PPP2R3A: variants seen among roughly 807,000 people sequenced by gnomAD.
PPP2R3A encodes the protein protein phosphatase 2 regulatory subunit B''alpha, also known as serine/threonine-protein phosphatase 2A regulatory subunit B'' subunit alpha.
PPP2R3A carries 80 observed loss-of-function variants against 106.9 expected under a neutral mutation model. That is an observed-to-expected ratio of 0.75 (90% CI 0.62 to 0.90). The LOEUF (loss-of-function observed/expected upper bound fraction) is 0.90. Ranked by LOEUF, PPP2R3A falls within the 40% of genes least tolerant of loss-of-function variation. PPP2R3A has a pLI of 0.00. For synonymous variants in PPP2R3A, 483 were observed against 468.3 expected (o/e 1.03, Z -0.41); for missense variants, 1,386 against 1,350.4 (o/e 1.03, Z -0.41).
Position 136,002,264 on chromosome 3 carries a change from A to T in PPP2R3A, c.766A>T (p.Lys256Ter). 1 of 1,613,920 alleles carries T rather than the reference A, an allele frequency of 6.2e-7. No individual in the cohort carries two copies. The highest frequency in any genetic ancestry group is 8.5e-7 in the Non-Finnish European group (1 of 1,179,932). ...CTDIIKQCIK[K>*]KSGSSISEGS... is the part of the protein sequence containing the mutation. Reference sequence around the variant, plus strand: ...AGACATCATAAAACAATGCATAAAGAAAAAATCAGGGAGTAGCATCAGTGA... The same window carrying T: ...AGACATCATAAAACAATGCATAAAGTAAAAATCAGGGAGTAGCATCAGTGA... Residue 256 changes from lysine (K) to a stop codon, truncating the protein, a stop_gained, in exon 2 of 14, where the codon AAA becomes TAA. Transcript: ENST00000264977. LOFTEE classifies it high-confidence loss of function.
intron 13 of PPP2R3A, among the ~76,000 whole-genome samples, chr3:136,107,765 C>T (rs764740523): frequency 1.3e-5 from 2 of 152,138 alleles, no homozygotes; most frequent in Non-Finnish European, 2.9e-5. Flanking sequence ...TAAAATCATT[C>T]ATCGTGCACT....
intron 13 of PPP2R3A, among the ~76,000 whole-genome samples, chr3:136,139,592 C>G (rs796093498): frequency 1.1e-4 from 16 of 151,266 alleles, no homozygotes; most frequent in African/African-American, 3.2e-4. Context: ...ACTCACGTGG[C>G]TGAGGCAGGA....
intron 1 of PPP2R3A, among the ~76,000 whole-genome samples, chr3:135,979,753 A>G (rs1007221288): frequency 4.6e-5 from 7 of 151,884 alleles, no homozygotes; most frequent in Non-Finnish European, 1.0e-4. Context: ...TCCATTACAT[A>G]TGATAAGGGT....
chr3:136,014,106 C>G (rs1213061326), intron 2 of PPP2R3A, among the ~76,000 whole-genome samples: 1 of 152,232 alleles, frequency 6.6e-6, no homozygotes, highest in African/African-American at 2.4e-5. Context: ...TGTCCTTTCC[C>G]CACTTTATGT....
intron 13 of PPP2R3A, among the ~76,000 whole-genome samples, chr3:136,144,580 G>C (rs1056267151): frequency 6.6e-6 from 1 of 151,902 alleles, no homozygotes; most frequent in African/African-American, 2.4e-5. Flanking sequence ...AGAATCGCCT[G>C]AACCTGGGAG....
intron 10 of PPP2R3A, among the ~76,000 whole-genome samples, chr3:136,094,993 C>T (rs1937183309): frequency 6.6e-6 from 1 of 152,226 alleles, no homozygotes; most frequent in South Asian, 2.1e-4. Flanking sequence ...GTTCCTCAAA[C>T]TTTCAGGTCC....
rs1933615126 is a variant in PPP2R3A at position 136,001,395 on chromosome 3, A to T, written c.-104A>T. The T allele has an allele frequency of 1.0e-6, 1 of 1,004,868 alleles. No individual in the cohort carries two copies. 62.2% of individuals were successfully genotyped at this position (1,004,868 alleles called of 1,614,324 possible). A position where few individuals can be genotyped will look rare whatever the true frequency, so the allele number is the denominator to read the frequency against. On this transcript the variant is annotated 5_prime_UTR_variant, in exon 2 of 14. An upstream open reading frame in the 5' UTR loses its in-frame stop. Transcript: ENST00000264977. ...CCATTATATTTGGAAGAAACCACTG[A>T]ACATTGTTATTAAATATATTTTCAG... is the stretch of plus-strand genomic sequence containing the variant.
intron 1 of PPP2R3A, among the ~76,000 whole-genome samples, chr3:135,974,500 C>T (rs773430930): frequency 2.0e-4 from 30 of 152,200 alleles, no homozygotes; most frequent in Non-Finnish European, 3.1e-4. Context: ...ATAATCTGAA[C>T]TCCTCTTTGT....
intron 2 of PPP2R3A, among the ~76,000 whole-genome samples, chr3:136,024,204 C>A (rs1934568621): frequency 6.6e-6 from 1 of 152,190 alleles, no homozygotes; most frequent in South Asian, 2.1e-4. Context: ...ACCACTGTAT[C>A]CAAAGTGAGC....
chr3:136,003,440 G>A lies in PPP2R3A; in HGVS notation c.1942G>A (p.Ala648Thr), dbSNP rs768832337. 8 of 1,613,648 alleles carry A rather than the reference G, an allele frequency of 5.0e-6. No individual in the cohort carries two copies. The East Asian group carries it at 1.6e-4, about 31-fold the overall frequency. ...CTGTAGAAGTCCTGTTGGTGATAAA[G>A]CCAAAGATACTACTTCAGCAGTTTT... is the stretch of plus-strand genomic sequence containing the variant. ...SVCRSPVGDKAKDTTSAVLIQ... is the reference protein window; with the variant it reads ...SVCRSPVGDKTKDTTSAVLIQ... Residue 648 changes from alanine to threonine, a missense_variant, in exon 2 of 14, where the codon GCC becomes ACC. Physicochemically the swap from Ala to Thr is moderately conservative, Grantham distance 58 (BLOSUM62 0). Coordinates refer to ENST00000264977, the MANE Select transcript of PPP2R3A (RefSeq NM_002718.5).
At chr3:136,114,807 A>G (rs1307957527) in intron 13 of PPP2R3A, among the ~76,000 whole-genome samples, 1 of 152,194 alleles carries the variant, frequency 6.6e-6, no homozygotes, top group Non-Finnish European at 1.5e-5. Flanking sequence ...TGAAACTCCC[A>G]TTTCCCTGGG....
rs1360708737 is a variant in PPP2R3A, at chr3:136,003,260, C to T, written c.1762C>T (p.Arg588Ter). 5.6e-6 allele frequency: 9 copies of T among 1,613,604 alleles called. No homozygotes were observed. The highest frequency in any genetic ancestry group is 1.1e-5 in the South Asian group (1 of 91,038). Residue 588 changes from arginine to a stop codon, truncating the protein, a stop_gained, in exon 2 of 14, where the codon CGA becomes TGA. Transcript: ENST00000264977. LOFTEE classifies it high-confidence loss of function. ...TNGHKIEEEDRALLLRILESI... is the reference protein window; with the variant it reads ...TNGHKIEEED Reference sequence around the variant, plus strand: ...TGGACACAAAATAGAGGAAGAGGATCGAGCCCTCTTACTGCGAATCCTGGA... The same window carrying T: ...TGGACACAAAATAGAGGAAGAGGATTGAGCCCTCTTACTGCGAATCCTGGA...
At chr3:136,115,510 T>C (rs1310758791) in intron 13 of PPP2R3A, among the ~76,000 whole-genome samples, 2 of 151,592 alleles carry the variant, frequency 1.3e-5, no homozygotes, top group Non-Finnish European at 1.5e-5. Context: ...TAAAAAAGGG[T>C]AGATGAATTG....
At chr3:136,042,024 T>C (rs1935305644) in intron 4 of PPP2R3A, among the ~76,000 whole-genome samples, 2 of 152,210 alleles carry the variant, frequency 1.3e-5, no homozygotes, top group South Asian at 2.1e-4. Context: ...TGGTAAACTA[T>C]TGGGAAATGC....
intron 4 of PPP2R3A, among the ~76,000 whole-genome samples, chr3:136,047,790 A>G (rs1285281463): frequency 6.6e-6 from 1 of 152,150 alleles, no homozygotes; most frequent in Non-Finnish European, 1.5e-5. Context: ...CTGTAGTCCC[A>G]GCTACTTGGG....
At chr3:136,003,613 C>A in intron 2 of PPP2R3A, 120 bp downstream of exon 2, 1 of 814,450 alleles carries the variant, frequency 1.2e-6, no homozygotes, top group Non-Finnish European at 1.9e-6. Flanking sequence ...CTGCCCTACA[C>A]TAGGAATGAT....
chr3:136,015,729 T>C (rs1468094843), intron 2 of PPP2R3A, among the ~76,000 whole-genome samples: 2 of 152,052 alleles, frequency 1.3e-5, no homozygotes, highest in Non-Finnish European at 2.9e-5. Flanking sequence ...ATCTCTCTAA[T>C]GGTCTATCAA....
chr3:136,145,834 A>G lies in PPP2R3A; in HGVS notation c.*668A>G, dbSNP rs1212739379. On this transcript the variant is annotated 3_prime_UTR_variant, in exon 14 of 14. Transcript: ENST00000264977. Reference sequence around the variant, plus strand: ...ACCTCCCTGACTGTGGATCTTATATAAAATCTCAAGATAAAAAAACACTTC... The same window carrying G: ...ACCTCCCTGACTGTGGATCTTATATGAAATCTCAAGATAAAAAAACACTTC... 6.6e-6 allele frequency: 1 copy of G among 152,544 alleles called. No individual in the cohort carries two copies. Among genetic ancestry groups the G allele is most frequent in the Non-Finnish European group, 1.5e-5 (1 of 68,038 alleles). The allele number at this position is 152,544 out of a possible 1,614,324, so 9.4% of individuals were successfully genotyped here.
intron 10 of PPP2R3A, among the ~76,000 whole-genome samples, chr3:136,098,759 G>C (rs550728406): frequency 6.6e-6 from 1 of 152,252 alleles, no homozygotes; most frequent in Admixed American, 6.5e-5. Context: ...GAAGCAACCA[G>C]ATATACCCAG....
Sources: allele counts gnomAD v4.1 joint callset (sites outside exome capture counted in the v4.1 genomes callset), GRCh38; gene constraint gnomAD v4.1.1; transcripts MANE v1.5; gene names NCBI Gene and HGNC (gene_info 2026-07-23, HGNC 2026-07-21).